TRIM24: variants seen among roughly 807,000 people sequenced by gnomAD.
The protein encoded by TRIM24 is transcription intermediary factor 1-alpha.
A neutral mutation model predicts 123.9 loss-of-function variants in TRIM24; 29 were observed. The observed-to-expected ratio is 0.23, with a 90% confidence interval of 0.17 to 0.32. The LOEUF is 0.32. Ranked by LOEUF, TRIM24 falls within the 10% of genes least tolerant of loss-of-function variation. The probability of loss-of-function intolerance (pLI) is 1.00; values close to 1 mark genes in which losing one functional copy is unlikely to be tolerated. For missense variants in TRIM24, 932 were observed against 1,295.3 expected, an observed-to-expected ratio of 0.72 and a Z score of 4.31; for synonymous variants, 456 against 461.1, an observed-to-expected ratio of 0.99 and a Z score of 0.14.
intron 2 of TRIM24, among the ~76,000 whole-genome samples, chr7:138,506,702 T>G (rs898991504): frequency 6.6e-6 from 1 of 152,158 alleles, no homozygotes; most frequent in Non-Finnish European, 1.5e-5. Context: ...CACAGAAACA[T>G]AGTAGGAAGA....
At chr7:138,490,575 G>A in intron 1 of TRIM24, 1 of 213,308 alleles carries the variant, frequency 4.7e-6, no homozygotes, top group Middle Eastern at 1.9e-3. Flanking sequence ...GCCACAATTA[G>A]AAAACAGATT....
Position 138,586,494 on chromosome 7 carries a change from A to G in TRIM24, c.*1543A>G, listed in dbSNP as rs972311909. On this transcript the variant is annotated 3_prime_UTR_variant, in exon 19 of 19. Coordinates refer to ENST00000343526, the MANE Select transcript of TRIM24 (RefSeq NM_015905.3). ...TAAAGATAAAATACAGGGAGAAAAT[A>G]ACTTGTTAGCAATAGATCCCCATTG... 2.0e-5 allele frequency: 3 copies of G among 152,654 alleles called. No homozygotes were observed. The highest frequency in any genetic ancestry group is 7.2e-5 in the African/African-American group (3 of 41,454). The allele number at this position is 152,654 out of a possible 1,614,324, so 9.5% of individuals were successfully genotyped here.
chr7:138,527,312 G>A (rs1796631064), intron 5 of TRIM24, among the ~76,000 whole-genome samples: 1 of 151,976 alleles, frequency 6.6e-6, no homozygotes, highest in Non-Finnish European at 1.5e-5. Context: ...ATAACATTGT[G>A]TGTAACAATT....
chr7:138,497,393 CTT>C (rs869232002), intron 1 of TRIM24, among the ~76,000 whole-genome samples: 52 of 88,308 alleles, frequency 5.9e-4, no homozygotes, highest in Middle Eastern at 8.9e-3. Context: ...ATTACAATTT[CTT>C]TTTTTTTTTT....
intron 17 of TRIM24, among the ~76,000 whole-genome samples, chr7:138,582,479 T>G (rs1797920492): frequency 6.6e-6 from 1 of 151,418 alleles, no homozygotes; most frequent in Non-Finnish European, 1.5e-5. Context: ...GAGGCGGAGC[T>G]TGCAGTGAGC....
intron 1 of TRIM24, among the ~76,000 whole-genome samples, chr7:138,496,432 T>C (rs1795907249): frequency 6.6e-6 from 1 of 152,212 alleles, no homozygotes; most frequent in African/African-American, 2.4e-5. Context: ...TTATTTTTTA[T>C]TGTGTCTTTT....
At chr7:138,524,693 A>T (rs948644419) in intron 4 of TRIM24, among the ~76,000 whole-genome samples, 1 of 152,116 alleles carries the variant, frequency 6.6e-6, no homozygotes, top group Non-Finnish European at 1.5e-5. Flanking sequence ...GGCAAAGTAA[A>T]TCATCTTTCC....
At chr7:138,560,951 G>A (rs575359610) in intron 9 of TRIM24, among the ~76,000 whole-genome samples, 1 of 152,280 alleles carries the variant, frequency 6.6e-6, no homozygotes, top group South Asian at 2.1e-4. Flanking sequence ...CCTTTGCAGT[G>A]CATAACAGCC....
At chr7:138,519,776 G>A (rs1275544626) in intron 4 of TRIM24, among the ~76,000 whole-genome samples, 1 of 152,070 alleles carries the variant, frequency 6.6e-6, no homozygotes, top group African/African-American at 2.4e-5. Flanking sequence ...GAAAACGGAA[G>A]CTGTTCTAGC....
At chr7:138,521,400 T>C (rs1584716080) in intron 4 of TRIM24, among the ~76,000 whole-genome samples, 1 of 152,302 alleles carries the variant, frequency 6.6e-6, no homozygotes, top group East Asian at 1.9e-4. Context: ...GTACCAATAT[T>C]AGATGATATG....
intron 9 of TRIM24, among the ~76,000 whole-genome samples, chr7:138,559,620 C>A (rs975617528): frequency 2.6e-5 from 4 of 152,144 alleles, no homozygotes; most frequent in Non-Finnish European, 5.9e-5. Context: ...TGGTCAGCTT[C>A]CAGGGTGACC....
intron 2 of TRIM24, among the ~76,000 whole-genome samples, chr7:138,512,764 C>T (rs1289114081): frequency 6.6e-6 from 1 of 152,100 alleles, no homozygotes; most frequent in Non-Finnish European, 1.5e-5. Context: ...ACAGTGGCTC[C>T]TCAGAATGTC....
chr7:138,551,066 A>G lies in TRIM24; in HGVS notation c.1147A>G (p.Thr383Ala). The G allele has an allele frequency of 6.2e-7, 1 of 1,612,998 alleles. No homozygotes were observed. Among genetic ancestry groups the G allele is most frequent in the Non-Finnish European group, 8.5e-7 (1 of 1,179,114 alleles). ...TTATCTCTCCTTTTTCTTCTAGATT[A>G]CATACCGGTTACGGCACCTCCTTCG... ...TALLYSKRLI[T>A]YRLRHLLRAR... Residue 383 changes from threonine (T) to alanine (A), a missense_variant, in exon 8 of 19, where the codon ACA becomes GCA. Physicochemically the swap from Thr to Ala is moderately conservative, Grantham distance 58. Around this residue, in one of 7 missense-constraint regions of TRIM24, gnomAD observed 527 missense variants for 691.3 expected, o/e 0.76. Coordinates refer to ENST00000343526, the MANE Select transcript of TRIM24 (RefSeq NM_015905.3).
intron 4 of TRIM24, among the ~76,000 whole-genome samples, chr7:138,520,051 GC>G (rs754604504): frequency 3.3e-5 from 5 of 152,218 alleles, no homozygotes; most frequent in East Asian, 1.9e-4. Flanking sequence ...TATATGAAAT[GC>G]TAGAGCAAAT....
At chr7:138,479,523 C>T (rs1795479285) in intron 1 of TRIM24, among the ~76,000 whole-genome samples, 1 of 151,986 alleles carries the variant, frequency 6.6e-6, no homozygotes. Flanking sequence ...TGTCACCATG[C>T]CTGAATGAGA....
intron 1 of TRIM24, among the ~76,000 whole-genome samples, chr7:138,486,015 T>G (rs2116487742): frequency 6.6e-6 from 1 of 152,324 alleles, no homozygotes; most frequent in Non-Finnish European, 1.5e-5. Context: ...TTTCCTGACT[T>G]TTTAATGATC....
chr7:138,534,007 G>A (rs761849418), intron 6 of TRIM24, among the ~76,000 whole-genome samples: 3 of 152,154 alleles, frequency 2.0e-5, no homozygotes, highest in Admixed American at 6.5e-5. Flanking sequence ...TTGCATAGAG[G>A]TGTTTATAGT....
chr7:138,580,952 C>T (rs1490582833), intron 16 of TRIM24, among the ~76,000 whole-genome samples: 1 of 152,096 alleles, frequency 6.6e-6, no homozygotes, highest in East Asian at 1.9e-4. Flanking sequence ...GACTTTTAAT[C>T]TACCTTAAGT....
At chr7:138,523,598 A>G (rs753674979) in intron 4 of TRIM24, among the ~76,000 whole-genome samples, 2 of 152,086 alleles carry the variant, frequency 1.3e-5, no homozygotes, top group African/African-American at 4.8e-5. Flanking sequence ...TACTAAACAT[A>G]CAAAAAATTA....
Sources: allele counts gnomAD v4.1 joint callset (sites outside exome capture counted in the v4.1 genomes callset), GRCh38; gene constraint gnomAD v4.1.1; regional missense constraint gnomAD v4.1.1; transcripts MANE v1.5; gene names NCBI Gene and HGNC (gene_info 2026-07-23, HGNC 2026-07-21).